Variants in NELL1 observed in about 807,000 individuals in gnomAD.
NELL1 encodes protein kinase C-binding protein NELL1.
A neutral mutation model predicts 107.4 loss-of-function variants in NELL1; 76 were observed. That is an observed-to-expected ratio of 0.71 (90% CI 0.59 to 0.86). NELL1 has a LOEUF of 0.86. Among genes scored for constraint, NELL1 ranks in the 40% least tolerant of loss-of-function variants. The probability of loss-of-function intolerance (pLI) is 0.00; values close to 1 mark genes in which losing one functional copy is unlikely to be tolerated. For missense variants in NELL1, 1,024 were observed against 1,005.5 expected (o/e 1.02, Z -0.25); for synonymous variants, 353 against 341.2 (o/e 1.03, Z -0.38).
At chr11:21,359,351 CT>C (rs991326042) in intron 14 of NELL1, among the ~76,000 whole-genome samples, 1 of 152,122 alleles carries the variant, frequency 6.6e-6, no homozygotes, top group African/African-American at 2.4e-5. Context: ...GGTGTATTAT[CT>C]TTTTGATATG....
chr11:20,979,856 C>A (rs1264981909), intron 12 of NELL1, among the ~76,000 whole-genome samples: 2 of 152,156 alleles, frequency 1.3e-5, no homozygotes, highest in African/African-American at 4.8e-5. Context: ...GTTGTGTGTG[C>A]TCCAGGGCAC....
rs540661855 is a variant in NELL1, at chr11:21,365,783, T to G, written c.1550-5070T>G. On this transcript the variant is annotated intron_variant, in intron 14 of 19. Coordinates refer to ENST00000357134, the MANE Select transcript of NELL1 (RefSeq NM_006157.5). ...TGTTACTGATTTTTACTCTTATCTT[T>G]CCTCGATATTTTAAACTATTTTGGG... Among the ~76,000 whole-genome samples, 19 of 151,726 alleles carry G rather than the reference T, an allele frequency of 1.3e-4. No individual in the cohort carries two copies. The East Asian group carries it at 2.7e-3, about 22-fold the overall frequency.
chr11:20,743,954 A>G (rs60232415), intron 2 of NELL1, among the ~76,000 whole-genome samples: 3,142 of 152,196 alleles, frequency 0.021, 98 homozygotes, highest in African/African-American at 0.072. Flanking sequence ...CAGCTCCATC[A>G]TCTACTCAGT....
chr11:20,772,673 T>C (rs1284842173), intron 2 of NELL1, among the ~76,000 whole-genome samples: 1 of 151,358 alleles, frequency 6.6e-6, no homozygotes, highest in Non-Finnish European at 1.5e-5. Flanking sequence ...GTGTTACAGA[T>C]GAGGCAACTC....
At position 21,229,438 on chromosome 11, in the gene NELL1, C is replaced by A. The variant is rs775236513; in HGVS notation, c.1533C>A (p.Asn511Lys). ...CCTGCAAACCGGGCTACGTGGGGAA[C>A]GGGACCATCTGCAGAGGTAGGCTTG... ...SCTCKPGYVG[N>K]GTICRAFCEE... Residue 511 changes from asparagine (N) to lysine (K), a missense_variant, in exon 14 of 20, where the codon AAC becomes AAA. Coordinates refer to ENST00000357134, the MANE Select transcript of NELL1 (RefSeq NM_006157.5). The A allele has an allele frequency of 2.5e-6, 4 of 1,613,782 alleles. No homozygotes were observed. Among genetic ancestry groups the A allele is most frequent in the African/African-American group, 1.3e-5 (1 of 75,012 alleles).
chr11:20,889,522 G>C (rs560913908), intron 5 of NELL1, among the ~76,000 whole-genome samples: 1 of 152,222 alleles, frequency 6.6e-6, no homozygotes, highest in Non-Finnish European at 1.5e-5. Context: ...GAATTGGAGA[G>C]CAAATGCATG....
At chr11:21,103,785 T>C (rs999293670) in intron 12 of NELL1, among the ~76,000 whole-genome samples, 4 of 152,202 alleles carry the variant, frequency 2.6e-5, no homozygotes, top group African/African-American at 9.6e-5. Flanking sequence ...GGCATCTTTC[T>C]TGCATTTTCA....
chr11:20,877,659 G>A (rs983498545), intron 4 of NELL1, among the ~76,000 whole-genome samples: 1 of 152,202 alleles, frequency 6.6e-6, no homozygotes, highest in Non-Finnish European at 1.5e-5. Flanking sequence ...TTCCTAATGT[G>A]AGCCCTTGAT....
At chr11:20,937,882 C>T (rs1241775505) in intron 10 of NELL1, 23 bp downstream of exon 10, 1 of 1,608,048 alleles carries the variant, frequency 6.2e-7, no homozygotes, top group Non-Finnish European at 8.5e-7. Context: ...TTTATGGTCC[C>T]TATCACTTCT....
chr11:21,217,238 A>C (rs981767376), intron 13 of NELL1, among the ~76,000 whole-genome samples: 1 of 152,210 alleles, frequency 6.6e-6, no homozygotes, highest in African/African-American at 2.4e-5. Context: ...CTGTGAGTCA[A>C]TAAAACTACT....
At chr11:21,265,450 T>C (rs565562363) in intron 14 of NELL1, among the ~76,000 whole-genome samples, 91 of 152,172 alleles carry the variant, frequency 6.0e-4, no homozygotes, top group Non-Finnish European at 6.2e-4. Context: ...TCCACAGTTT[T>C]CTGCCATCTG....
rs571900417 is a variant in NELL1 at position 21,189,167 on chromosome 11, A to C, written c.1427-40165A>C. 2.0e-5 allele frequency among the ~76,000 whole-genome samples: 3 copies of C among 152,032 alleles called. No individual in the cohort carries two copies. The South Asian group carries it at 6.2e-4, about 32-fold the overall frequency. Reference sequence around the variant, plus strand: ...TAGCTCTTCATTTTAATTATGATACAGTAATCCATTGTATGAATAGTTCAC... The same window carrying C: ...TAGCTCTTCATTTTAATTATGATACCGTAATCCATTGTATGAATAGTTCAC... On this transcript the variant is annotated intron_variant, in intron 13 of 19. Coordinates refer to ENST00000357134, the MANE Select transcript of NELL1 (RefSeq NM_006157.5).
chr11:20,825,133 G>A (rs1038400958), intron 3 of NELL1, among the ~76,000 whole-genome samples: 1 of 151,350 alleles, frequency 6.6e-6, no homozygotes, highest in African/African-American at 2.4e-5. Flanking sequence ...TGATGTTTGG[G>A]AACCTCTGCC....
chr11:21,244,680 A>G (rs949457825), intron 14 of NELL1, among the ~76,000 whole-genome samples: 1 of 152,114 alleles, frequency 6.6e-6, no homozygotes, highest in African/African-American at 2.4e-5. Context: ...CCTGAAGAAT[A>G]TTGTCTTCCC....
intron 12 of NELL1, among the ~76,000 whole-genome samples, chr11:21,042,639 C>T (rs1267931063): frequency 6.6e-6 from 1 of 152,046 alleles, no homozygotes; most frequent in Non-Finnish European, 1.5e-5. Flanking sequence ...ATTCTGGAGA[C>T]AGTGGCTTCC....
chr11:21,012,570 A>C (rs959978889), intron 12 of NELL1, among the ~76,000 whole-genome samples: 2 of 152,172 alleles, frequency 1.3e-5, no homozygotes, highest in Non-Finnish European at 2.9e-5. Flanking sequence ...ATAGAGAAAG[A>C]GTCTAATATA....
chr11:20,899,431 A>T (rs1020328814), intron 5 of NELL1, among the ~76,000 whole-genome samples: 5 of 152,266 alleles, frequency 3.3e-5, no homozygotes, highest in African/African-American at 1.2e-4. Flanking sequence ...TTAATAACTA[A>T]CTCAGAAAGA....
chr11:20,755,550 G>GTTTTTTTT (rs1226891368), intron 2 of NELL1, among the ~76,000 whole-genome samples: 60 of 114,538 alleles, frequency 5.2e-4, no homozygotes, highest in African/African-American at 2.5e-3. Context: ...GTTTTTTTTT[G>GTTTTTTTT]TTTTTGTTTT....
At chr11:20,836,802 TAGG>T (rs1848541746) in intron 3 of NELL1, among the ~76,000 whole-genome samples, 1 of 132,256 alleles carries the variant, frequency 7.6e-6, no homozygotes, top group African/African-American at 2.6e-5. Context: ...CTTTGGGAGT[TAGG>T]GGAGAGCTAA....
Sources: allele counts gnomAD v4.1 joint callset (sites outside exome capture counted in the v4.1 genomes callset), GRCh38; gene constraint gnomAD v4.1.1; transcripts MANE v1.5; gene names NCBI Gene and HGNC (gene_info 2026-07-23, HGNC 2026-07-21).